Variants in SASH1 observed in about 807,000 individuals in gnomAD.
The protein encoded by SASH1 is SAM and SH3 domain containing 1.
SASH1 carries 44 observed loss-of-function variants against 125.2 expected under a neutral mutation model. The observed-to-expected ratio is 0.35, with a 90% CI of 0.28 to 0.45. The LOEUF is 0.45. Ranked by LOEUF, SASH1 falls within the 20% of genes least tolerant of loss-of-function variation. The pLI is 1.00. For synonymous variants in SASH1, 639 were observed against 649.1 expected (o/e 0.98, Z 0.24); for missense variants, 1,426 against 1,614.5 (o/e 0.88, Z 2.00).
intron 1 of SASH1, among the ~76,000 whole-genome samples, chr6:148,319,151 G>A (rs1780571364): frequency 7.0e-6 from 1 of 142,722 alleles, no homozygotes; most frequent in Non-Finnish European, 1.5e-5. Context: ...TCCTGCCTCA[G>A]CCTCCCGAGT....
rs1175233613 is a variant in SASH1 at position 148,431,039 on chromosome 6, CAG to C, written c.286-9144_286-9143del. On this transcript the variant is annotated intron_variant, in intron 2 of 19. Coordinates refer to ENST00000367467, the MANE Select transcript of SASH1 (RefSeq NM_015278.5). ...AACTGGACTCCAGTCTCCCAGCTGA[CAG>C]TACTTTCCATGCAGCCGTATGCTGG... is the stretch of plus-strand genomic sequence containing the variant. Among the ~76,000 whole-genome samples, 6 of 152,328 alleles carry C rather than the reference CAG, an allele frequency of 3.9e-5. No individual in the cohort carries two copies. In the East Asian group the frequency reaches 7.7e-4, roughly 20 times the overall value.
At chr6:148,439,574 C>T (rs1413938259) in intron 2 of SASH1, among the ~76,000 whole-genome samples, 4 of 152,018 alleles carry the variant, frequency 2.6e-5, no homozygotes, top group African/African-American at 7.2e-5. Context: ...GTCAAGAGAT[C>T]GAGACCACCC....
the SASH1 span, among the ~76,000 whole-genome samples, chr6:148,233,340 C>T: frequency 1.3e-5 from 2 of 152,098 alleles, no homozygotes; most frequent in African/African-American, 4.8e-5. Context: ...AGGGCTTTGC[C>T]CTCTCATCTG....
At chr6:148,319,928 G>T (rs1036170968) in intron 1 of SASH1, among the ~76,000 whole-genome samples, 4 of 152,084 alleles carry the variant, frequency 2.6e-5, no homozygotes, top group Non-Finnish European at 5.9e-5. Flanking sequence ...TACCCATGTG[G>T]TCTACACAGT....
At chr6:148,203,917 T>C in the SASH1 span, among the ~76,000 whole-genome samples, 3 of 152,356 alleles carry the variant, frequency 2.0e-5, no homozygotes, top group African/African-American at 7.2e-5. Flanking sequence ...ACTCTCAACC[T>C]GTGGCCCTTG....
chr6:148,199,894 C>A, the SASH1 span, among the ~76,000 whole-genome samples: 1 of 151,968 alleles, frequency 6.6e-6, no homozygotes, highest in Non-Finnish European at 1.5e-5. Flanking sequence ...AGGCAAAGAC[C>A]AGCATGTGTG....
At chr6:148,282,157 C>T (rs1779359126) in intron 1 of SASH1, among the ~76,000 whole-genome samples, 1 of 152,190 alleles carries the variant, frequency 6.6e-6, no homozygotes, top group African/African-American at 2.4e-5. Flanking sequence ...AGGTCTCCGC[C>T]CGGGGCTACA....
chr6:148,439,145 C>T (rs1460356022), intron 2 of SASH1, among the ~76,000 whole-genome samples: 6 of 152,094 alleles, frequency 3.9e-5, no homozygotes, highest in African/African-American at 1.2e-4. Context: ...AAATACTCTT[C>T]GTTTTCTTTT....
chr6:148,207,442 C>T, the SASH1 span, among the ~76,000 whole-genome samples: 7 of 152,166 alleles, frequency 4.6e-5, no homozygotes, highest in South Asian at 1.2e-3. Context: ...ATCTCCATCC[C>T]GAACAGTTCT....
intron 1 of SASH1, among the ~76,000 whole-genome samples, chr6:148,276,688 A>G (rs1248810123): frequency 6.6e-6 from 1 of 152,220 alleles, no homozygotes; most frequent in Admixed American, 6.5e-5. Flanking sequence ...TTCCAGGATC[A>G]TAGAAGAAGC....
chr6:148,229,945 C>T, the SASH1 span, among the ~76,000 whole-genome samples: 18 of 152,044 alleles, frequency 1.2e-4, no homozygotes, highest in African/African-American at 4.3e-4. Flanking sequence ...CTCCTGATCT[C>T]AGGTAATCCA....
chr6:148,238,232 A>AT, the SASH1 span, among the ~76,000 whole-genome samples: 1 of 151,044 alleles, frequency 6.6e-6, no homozygotes, highest in Non-Finnish European at 1.5e-5. Flanking sequence ...ATTTTATTTT[A>AT]TTTATTTTTG....
chr6:148,465,497 C>T (rs1054219353), intron 4 of SASH1, among the ~76,000 whole-genome samples: 1 of 149,602 alleles, frequency 6.7e-6, no homozygotes, highest in Non-Finnish European at 1.5e-5. Context: ...GAGCCGAGAT[C>T]GCATCACTGT....
At chr6:148,243,450 AAATAATAAT>A in the SASH1 span, among the ~76,000 whole-genome samples, 987 of 138,532 alleles carry the variant, frequency 7.1e-3, 11 homozygotes, top group African/African-American at 0.023. Flanking sequence ...AATTCCATCT[AAATAATAAT>A]AATAATAATA....
intron 1 of SASH1, among the ~76,000 whole-genome samples, chr6:148,278,247 G>T (rs1460403256): frequency 6.6e-6 from 1 of 152,056 alleles, no homozygotes; most frequent in Non-Finnish European, 1.5e-5. Flanking sequence ...ATGTTGACCA[G>T]GCTGGTCTCA....
In SASH1 at chr6:148,368,547, G is replaced by A. The variant is rs538490497; in HGVS notation, c.157-21587G>A. 3.4e-3 allele frequency among the ~76,000 whole-genome samples: 516 copies of A among 152,178 alleles called. 3 individuals carry two copies. The highest frequency in any genetic ancestry group is 0.012 in the African/African-American group (496 of 41,532). ...CAGCCTCCCAAAGTGTTGGGATTAC[G>A]GGTGTGAGCCACTGCTCCCAGCTAG... On this transcript the variant is annotated intron_variant, in intron 1 of 19. Coordinates refer to ENST00000367467, the MANE Select transcript of SASH1 (RefSeq NM_015278.5).
chr6:148,315,833 G>A (rs1466590242), intron 1 of SASH1, among the ~76,000 whole-genome samples: 1 of 152,158 alleles, frequency 6.6e-6, no homozygotes, highest in African/African-American at 2.4e-5. Flanking sequence ...GAGCCTGGGA[G>A]GTCGAGGTTT....
intron 1 of SASH1, among the ~76,000 whole-genome samples, chr6:148,360,643 CG>C (rs57592368): frequency 0.28 from 41,439 of 146,900 alleles, 6,885 homozygotes; most frequent in African/African-American, 0.34. Context: ...GCCACCCCCC[CG>C]CCAGGCTTTA....
At chr6:148,357,674 C>T (rs1305049131) in intron 1 of SASH1, among the ~76,000 whole-genome samples, 2 of 152,172 alleles carry the variant, frequency 1.3e-5, no homozygotes, top group Non-Finnish European at 2.9e-5. Context: ...GGCTCCAGAA[C>T]AGCACCCATG....
Sources: allele counts gnomAD v4.1 joint callset (sites outside exome capture counted in the v4.1 genomes callset), GRCh38; gene constraint gnomAD v4.1.1; transcripts MANE v1.5; gene names NCBI Gene and HGNC (gene_info 2026-07-23, HGNC 2026-07-21).